Variants in PLCB1 observed in about 807,000 individuals in gnomAD.
PLCB1 encodes the protein 1-phosphatidylinositol 4,5-bisphosphate phosphodiesterase beta-1.
Under a neutral mutation model 161.8 loss-of-function variants are expected in PLCB1, and 46 were observed. That is an observed-to-expected ratio of 0.28 (90% CI 0.22 to 0.36). PLCB1 has a LOEUF of 0.36. Ranked by LOEUF, PLCB1 falls within the 10% of genes least tolerant of loss-of-function variation. The pLI, the probability that PLCB1 is intolerant of heterozygous loss-of-function variation, is 1.00. For missense variants in PLCB1, 1,016 were observed against 1,472.5 expected, an observed-to-expected ratio of 0.69 and a Z score of 5.07; for synonymous variants, 517 against 503.7, an observed-to-expected ratio of 1.03 and a Z score of -0.35.
intron 2 of PLCB1, among the ~76,000 whole-genome samples, chr20:8,190,185 A>C (rs1204400673): frequency 6.6e-6 from 1 of 152,066 alleles, no homozygotes; most frequent in Non-Finnish European, 1.5e-5. Flanking sequence ...CTGCAGAAGT[A>C]TGCTCTGCAT....
Position 8,765,258 on chromosome 20 carries a change from C to A in PLCB1, c.2830C>A (p.Leu944Ile), listed in dbSNP as rs561685256. ...VKRHHKKTTD[L>I]IKEHTTKYNE... Reference sequence around the variant, plus strand: ...GAGACACCACAAGAAAACCACTGACCTTATCAAAGAACACACTACCAAGTA... The same window carrying A: ...GAGACACCACAAGAAAACCACTGACATTATCAAAGAACACACTACCAAGTA... The change falls in exon 26 of 32, where the codon CTT becomes ATT. Residue 944 changes from leucine to isoleucine, a missense_variant. Physicochemically the swap from Leu to Ile is conservative, Grantham distance 5. Transcript: ENST00000338037. The A allele has an allele frequency of 8.1e-5, 130 of 1,613,888 alleles. No individual in the cohort carries two copies. In the South Asian group the frequency reaches 1.4e-3, roughly 17 times the overall value.
rs538500811 is a variant in PLCB1 at position 8,685,184 on chromosome 20, C to T, written c.1009+106C>T. The T allele has an allele frequency of 3.9e-5, 42 of 1,087,588 alleles. 2 individuals carry two copies. The South Asian group carries it at 5.2e-4, about 13-fold the overall frequency. 67.4% of individuals were successfully genotyped at this position (1,087,588 alleles called of 1,614,324 possible). On this transcript the variant is annotated intron_variant, in intron 10 of 31. Coordinates refer to ENST00000338037, the MANE Select transcript of PLCB1 (RefSeq NM_015192.4). ...GAAGTGTGTTTTCTTCCATTTCCTG[C>T]GAAGTGCCTCTGAGAACTCTGGGGT...
rs575868413 is a variant in PLCB1, at chr20:8,342,074, T to C, written c.178-29308T>C. Among the ~76,000 whole-genome samples the C allele has an allele frequency of 5.3e-5, 8 of 152,310 alleles. No individual in the cohort carries two copies. The East Asian group carries it at 1.2e-3, about 22-fold the overall frequency. ...AGAGATTTGGTGAGACAGAACATCT[T>C]TAAAGGTACCACCTGGAGAGAACTA... On this transcript the variant is annotated intron_variant, in intron 2 of 31. Transcript: ENST00000338037.
At chr20:8,455,263 G>T (rs1462048366) in intron 3 of PLCB1, among the ~76,000 whole-genome samples, 1 of 150,590 alleles carries the variant, frequency 6.6e-6, no homozygotes, top group African/African-American at 2.4e-5. Flanking sequence ...GGGAGGTGGA[G>T]GTTGCGATGA....
intron 1 of PLCB1, among the ~76,000 whole-genome samples, chr20:8,146,051 C>T (rs748082090): frequency 5.3e-5 from 8 of 151,174 alleles, no homozygotes; most frequent in Non-Finnish European, 1.2e-4. Context: ...TCCAAGGAAA[C>T]GAAAAGTGGT....
At chr20:8,737,315 T>A in intron 20 of PLCB1, 123 bp downstream of exon 20, 2 of 813,612 alleles carry the variant, frequency 2.5e-6, no homozygotes, top group Non-Finnish European at 3.8e-6. Context: ...ATAAAGCAAT[T>A]ACCTTTTGAA....
intron 3 of PLCB1, among the ~76,000 whole-genome samples, chr20:8,418,308 TCTGCCTCCCTGATCATGTGTCAG>T (rs1979389050): frequency 6.6e-6 from 1 of 152,204 alleles, no homozygotes; most frequent in Admixed American, 6.5e-5. Context: ...TCTAAGTGGC[TCTGCCTCCCTGATCATGTGTCAG>T]CTGCATTCAA....
intron 2 of PLCB1, among the ~76,000 whole-genome samples, chr20:8,199,208 T>C (rs1046571043): frequency 6.6e-6 from 1 of 152,136 alleles, no homozygotes; most frequent in Non-Finnish European, 1.5e-5. Flanking sequence ...GTGGATGATC[T>C]GTACCTGATT....
chr20:8,435,730 C>T (rs964707079), intron 3 of PLCB1, among the ~76,000 whole-genome samples: 5 of 152,074 alleles, frequency 3.3e-5, no homozygotes, highest in Non-Finnish European at 5.9e-5. Context: ...CTGGCTGATC[C>T]CTTAGTTACA....
chr20:8,788,857 C>T, intron 29 of PLCB1, 135 bp downstream of exon 29: 7 of 629,806 alleles, frequency 1.1e-5, no homozygotes. Flanking sequence ...TCAAAAGATT[C>T]TTTTGGTAAG....
At chr20:8,387,202 A>G (rs1035120213) in intron 3 of PLCB1, among the ~76,000 whole-genome samples, 2 of 152,186 alleles carry the variant, frequency 1.3e-5, no homozygotes, top group African/African-American at 2.4e-5. Flanking sequence ...CTTTTGGCCT[A>G]TCTTGGCTTT....
At chr20:8,730,160 G>A (rs1254104785) in intron 18 of PLCB1, among the ~76,000 whole-genome samples, 1 of 151,864 alleles carries the variant, frequency 6.6e-6, no homozygotes, top group Non-Finnish European at 1.5e-5. Flanking sequence ...ATCAGGTCAG[G>A]CTGATTAATG....
chr20:8,705,674 A>C (rs1359295523), intron 11 of PLCB1, among the ~76,000 whole-genome samples: 2 of 152,206 alleles, frequency 1.3e-5, no homozygotes, highest in Non-Finnish European at 1.5e-5. Flanking sequence ...TAATGTGAGT[A>C]TTTTTGACTG....
chr20:8,383,501 G>A (rs1479393436), intron 3 of PLCB1, among the ~76,000 whole-genome samples: 1 of 152,114 alleles, frequency 6.6e-6, no homozygotes, highest in Non-Finnish European at 1.5e-5. Context: ...GCCAGTCTGT[G>A]TCTTTTAATT....
intron 26 of PLCB1, among the ~76,000 whole-genome samples, chr20:8,767,426 C>T (rs1297612280): frequency 6.6e-6 from 1 of 152,182 alleles, no homozygotes; most frequent in Non-Finnish European, 1.5e-5. Flanking sequence ...TGCCATCTCC[C>T]AGCACTTCAT....
intron 14 of PLCB1, among the ~76,000 whole-genome samples, chr20:8,720,635 C>T (rs894508047): frequency 2.6e-5 from 4 of 151,600 alleles, no homozygotes; most frequent in Non-Finnish European, 5.9e-5. Context: ...AACAAGATTC[C>T]CCCAACATCC....
chr20:8,704,824 C>G (rs1175752245), intron 11 of PLCB1, among the ~76,000 whole-genome samples: 2 of 151,950 alleles, frequency 1.3e-5, no homozygotes, highest in Non-Finnish European at 2.9e-5. Flanking sequence ...AGCTGGAGAC[C>G]CAGCTGACCT....
At chr20:8,209,526 C>T (rs1038079587) in intron 2 of PLCB1, among the ~76,000 whole-genome samples, 2 of 151,932 alleles carry the variant, frequency 1.3e-5, no homozygotes, top group African/African-American at 4.8e-5. Context: ...TATTTTATTT[C>T]CTTAAACTTA....
At chr20:8,220,818 T>G (rs1333841407) in intron 2 of PLCB1, among the ~76,000 whole-genome samples, 1 of 152,202 alleles carries the variant, frequency 6.6e-6, no homozygotes, top group Non-Finnish European at 1.5e-5. Context: ...TGTTCATTAT[T>G]TTTTCCTCTT....
Sources: allele counts gnomAD v4.1 joint callset (sites outside exome capture counted in the v4.1 genomes callset), GRCh38; gene constraint gnomAD v4.1.1; transcripts MANE v1.5; gene names NCBI Gene and HGNC (gene_info 2026-07-23, HGNC 2026-07-21).